Variants in CACNA1A observed in about 807,000 individuals in gnomAD.
CACNA1A encodes the protein calcium voltage-gated channel subunit alpha1 A, also known as voltage-dependent P/Q-type calcium channel subunit alpha-1A.
A neutral mutation model predicts 262.4 loss-of-function variants in CACNA1A; 57 were observed. The observed-to-expected ratio is 0.22, with a 90% CI of 0.18 to 0.27. The LOEUF is 0.27. CACNA1A is among the 10% of genes least tolerant of loss of function. The pLI, the probability that CACNA1A is intolerant of heterozygous loss-of-function variation, is 1.00. For synonymous variants in CACNA1A, 1,431 were observed against 1,419.3 expected (o/e 1.01, Z -0.18); for missense variants, 2,526 against 3,562.8 (o/e 0.71, Z 7.41).
intron 22 of CACNA1A, 104 bp downstream of exon 22, chr19:13,283,163 G>A: frequency 7.0e-7 from 1 of 1,423,950 alleles, no homozygotes; most frequent in Non-Finnish European, 9.6e-7. Context: ...ATGCCTAGGG[G>A]TGACCCCAAC....
chr19:13,345,490 T>A (rs2058748059), intron 6 of CACNA1A, among the ~76,000 whole-genome samples: 1 of 152,162 alleles, frequency 6.6e-6, no homozygotes, highest in African/African-American at 2.4e-5. Flanking sequence ...AAGCGCTCCA[T>A]AAATACTCAT....
chr19:13,235,938 A>T, intron 31 of CACNA1A: 1 of 500,552 alleles, frequency 2.0e-6, no homozygotes, highest in Non-Finnish European at 3.5e-6. Context: ...AGAGGGTGGG[A>T]GGGAGGAAAA....
chr19:13,240,149 TAA>T (rs60352550), intron 31 of CACNA1A, among the ~76,000 whole-genome samples: 15,849 of 119,644 alleles, frequency 0.13, 1,367 homozygotes, highest in East Asian at 0.5. Flanking sequence ...AGACTCTGTC[TAA>T]AAAAAAAAAA....
At chr19:13,369,795 C>A (rs775601170) in intron 4 of CACNA1A, among the ~76,000 whole-genome samples, 1 of 152,136 alleles carries the variant, frequency 6.6e-6, no homozygotes, top group Non-Finnish European at 1.5e-5. Flanking sequence ...TGAGCCACTG[C>A]ACCTGGCTCT....
chr19:13,434,449 C>T (rs189316338), intron 3 of CACNA1A, among the ~76,000 whole-genome samples: 19 of 152,266 alleles, frequency 1.2e-4, no homozygotes, highest in Admixed American at 9.2e-4. Flanking sequence ...AATCTTATGG[C>T]GAATTGTAAT....
chr19:13,338,350 A>G (rs765411762), intron 6 of CACNA1A, among the ~76,000 whole-genome samples: 22 of 152,188 alleles, frequency 1.4e-4, no homozygotes, highest in Non-Finnish European at 3.2e-4. Context: ...TGTGCAGTGT[A>G]TAACTGTATG....
chr19:13,433,844 C>A (rs1167431843), intron 3 of CACNA1A, among the ~76,000 whole-genome samples: 1 of 152,320 alleles, frequency 6.6e-6, no homozygotes, highest in Admixed American at 6.5e-5. Context: ...CCCCTGGGAA[C>A]TAAGTCAAGC....
intron 38 of CACNA1A, among the ~76,000 whole-genome samples, chr19:13,219,110 C>T (rs1041026924): frequency 2.1e-5 from 3 of 146,274 alleles, no homozygotes; most frequent in Non-Finnish European, 3.0e-5. Context: ...GGCGGGATCT[C>T]GGCTCACTGC....
At chr19:13,314,833 C>G (rs1464324347) in intron 11 of CACNA1A, among the ~76,000 whole-genome samples, 1 of 152,118 alleles carries the variant, frequency 6.6e-6, no homozygotes, top group Non-Finnish European at 1.5e-5. Context: ...TTATAGGACG[C>G]TAAGGAGATC....
In CACNA1A at chr19:13,278,010, C is replaced by A. The variant is rs187462766; in HGVS notation, c.3823-882G>T. ...GGCCAAGGCGTGACAGTCACTTGAA[C>A]GTGGGAGGCGGAGGTTGCAGTGAGC... On this transcript the variant is annotated intron_variant, in intron 22 of 46. Coordinates refer to ENST00000360228, the MANE Select transcript of CACNA1A (RefSeq NM_001127222.2). The A allele has an allele frequency of 6.7e-3, 999 of 150,214 alleles. 9 individuals are homozygous for A. The highest frequency in any genetic ancestry group is 9.2e-3 in the Non-Finnish European group (627 of 67,932). 9.3% of individuals were successfully genotyped at this position (150,214 alleles called of 1,614,324 possible).
At chr19:13,379,281 G>A (rs2059471888) in intron 3 of CACNA1A, among the ~76,000 whole-genome samples, 1 of 152,094 alleles carries the variant, frequency 6.6e-6, no homozygotes, top group Non-Finnish European at 1.5e-5. Flanking sequence ...AGCCTTGATG[G>A]ATTTTAAAAT....
chr19:13,292,316 G>T (rs2057558803), intron 19 of CACNA1A, among the ~76,000 whole-genome samples: 1 of 151,912 alleles, frequency 6.6e-6, no homozygotes. Context: ...GAATAAAAAG[G>T]AAAAAAATAT....
chr19:13,387,355 G>C (rs1320558107), intron 3 of CACNA1A, among the ~76,000 whole-genome samples: 1 of 152,164 alleles, frequency 6.6e-6, no homozygotes, highest in Non-Finnish European at 1.5e-5. Context: ...TTGTGTGCTT[G>C]TTACTTTACA....
At chr19:13,381,717 T>G (rs925006053) in intron 3 of CACNA1A, among the ~76,000 whole-genome samples, 8 of 152,194 alleles carry the variant, frequency 5.3e-5, no homozygotes, top group African/African-American at 1.9e-4. Context: ...TTCATCCGTG[T>G]TCTTCAAATG....
At chr19:13,429,376 CAA>C (rs1404211683) in intron 3 of CACNA1A, among the ~76,000 whole-genome samples, 2 of 151,120 alleles carry the variant, frequency 1.3e-5, no homozygotes, top group Non-Finnish European at 2.9e-5. Flanking sequence ...CTTCCTAAAA[CAA>C]GAGGTATTTT....
chr19:13,333,001 G>C (rs1004448206), intron 8 of CACNA1A, 76 bp from the exon 9 acceptor site: 5 of 1,148,106 alleles, frequency 4.4e-6, no homozygotes, highest in Non-Finnish European at 6.5e-6. Context: ...AGAAGGGTCT[G>C]CCCGGCCACC....
intron 19 of CACNA1A, among the ~76,000 whole-genome samples, chr19:13,292,658 G>C (rs2057569653): frequency 6.6e-6 from 1 of 152,046 alleles, no homozygotes; most frequent in South Asian, 2.1e-4. Context: ...GAAAAACACA[G>C]GGTACGTTTG....
At chr19:13,395,829 G>T (rs72997560) in intron 3 of CACNA1A, among the ~76,000 whole-genome samples, 5 of 150,442 alleles carry the variant, frequency 3.3e-5, no homozygotes, top group Admixed American at 1.3e-4. Flanking sequence ...AACCAAGAGA[G>T]CCCCCCCTCC....
At chr19:13,382,671 C>G (rs2059543864) in intron 3 of CACNA1A, among the ~76,000 whole-genome samples, 3 of 152,114 alleles carry the variant, frequency 2.0e-5, no homozygotes, top group Non-Finnish European at 4.4e-5. Flanking sequence ...AGCCTGACAG[C>G]TGAAAGGACA....
Sources: gnomAD v4.1 joint callset for allele counts (sites outside exome capture counted in the v4.1 genomes callset) on GRCh38, gnomAD v4.1.1 for gene constraint, MANE v1.5 for transcripts, NCBI Gene and HGNC (gene_info 2026-07-23, HGNC 2026-07-21) for gene names.